Variants in KIF27 observed in about 807,000 individuals in gnomAD.
KIF27 encodes kinesin family member 27, also known as kinesin-like protein KIF27.
Under a neutral mutation model 141.8 loss-of-function variants are expected in KIF27, and 84 were observed. The ratio of observed to expected loss-of-function variants is 0.59; its 90% CI spans 0.50 to 0.71. The LOEUF (loss-of-function observed/expected upper bound fraction) is 0.71, where lower values mean the gene tolerates loss of function less well. Among genes scored for constraint, KIF27 ranks in the 30% least tolerant of loss-of-function variants. KIF27 has a pLI of 0.00. For synonymous variants in KIF27, 471 were observed against 569.5 expected, an observed-to-expected ratio of 0.83 and a Z score of 2.46; for missense variants, 1,306 against 1,628.4, an observed-to-expected ratio of 0.80 and a Z score of 3.41.
chr9:83,899,838 C>A, intron 4 of KIF27, 34 bp from the exon 5 acceptor site: 1 of 1,568,772 alleles, frequency 6.4e-7, no homozygotes, highest in Non-Finnish European at 8.7e-7. Flanking sequence ...TGACATTCAC[C>A]ACAGAAAATA....
At position 83,903,021 on chromosome 9, in the gene KIF27, T is replaced by C. The variant is rs113653407; in HGVS notation, c.1458+39A>G. The C allele has an allele frequency of 4.6e-5, 58 of 1,271,824 alleles. 3 individuals are homozygous for C. The African/African-American group carries it at 4.7e-4, about 10-fold the overall frequency. 78.8% of individuals were successfully genotyped at this position (1,271,824 alleles called of 1,614,324 possible). ...AATATGTACATCTATTATGTATCAATAAAATAAATAAATAAATAAATAAGT... is the reference window on the plus strand; with the variant it reads ...AATATGTACATCTATTATGTATCAACAAAATAAATAAATAAATAAATAAGT... On this transcript the variant is annotated intron_variant, in intron 4 of 17. Coordinates refer to ENST00000297814, the MANE Select transcript of KIF27 (RefSeq NM_017576.4).
At chr9:83,863,820 T>C (rs763877547) in intron 13 of KIF27, 2 of 152,206 alleles carry the variant, frequency 1.3e-5, no homozygotes, top group Non-Finnish European at 2.9e-5. Context: ...CTTTTTTCGG[T>C]TGGTAAGCTA....
rs533210668 is a variant in KIF27 at position 83,840,487 on chromosome 9, T to A, written c.3721+1750A>T. Among the ~76,000 whole-genome samples the A allele has an allele frequency of 2.0e-5, 3 of 152,290 alleles. No homozygotes were observed. The South Asian group carries it at 6.2e-4, about 32-fold the overall frequency. ...TAAAGAGCAGGATGAAGATCCAGAT[T>A]TCTTAAACCTGTATACCACCATACT... On this transcript the variant is annotated intron_variant, in intron 17 of 17. Transcript: ENST00000297814.
Position 83,903,128 on chromosome 9 carries a change from C to G in KIF27, c.1390G>C (p.Ala464Pro), listed in dbSNP as rs1350492713. Residue 464 changes from alanine to proline, a missense_variant, in exon 4 of 18, where the codon GCA becomes CCA. This residue lies in a region of KIF27 where 533 missense variants were observed against 565.6 expected (regional missense o/e 0.94). Coordinates refer to ENST00000297814, the MANE Select transcript of KIF27 (RefSeq NM_017576.4). ...TGCTGTGGTCCTTCTTCCAGACTTG[C>G]AGTGCCTCCGATTCCTCGAAATGAG... is the stretch of plus-strand genomic sequence containing the variant. ...LTSFRGIGGT[A>P]SLEEGPQHVT... The G allele has an allele frequency of 6.2e-7, 1 of 1,614,158 alleles. No individual in the cohort carries two copies. The highest frequency in any genetic ancestry group is 1.7e-5 in the Admixed American group (1 of 59,992).
chr9:83,899,556 T>C, intron 5 of KIF27, 105 bp downstream of exon 5: 2 of 857,284 alleles, frequency 2.3e-6, no homozygotes, highest in Non-Finnish European at 3.6e-6. Flanking sequence ...ACTCTTCAAA[T>C]GAACATCCTT....
rs150136106 is a variant in KIF27 at position 83,834,175 on chromosome 9, T to G, written c.*2826A>C. Among the ~76,000 whole-genome samples the G allele has an allele frequency of 2.5e-3, 379 of 152,180 alleles. 5 individuals carry two copies. Among genetic ancestry groups the G allele is most frequent in the African/African-American group, 8.8e-3 (364 of 41,540 alleles). ...AACGAAAAAAAGAAAACCACAAACA[T>G]TTTATATACATGCAAAAAGGCAATA... is the stretch of plus-strand genomic sequence containing the variant. On this transcript the variant is annotated 3_prime_UTR_variant, in exon 18 of 18. Coordinates refer to ENST00000297814, the MANE Select transcript of KIF27 (RefSeq NM_017576.4).
intron 12 of KIF27, among the ~76,000 whole-genome samples, chr9:83,868,871 G>A (rs572727156): frequency 1.3e-5 from 2 of 152,126 alleles, no homozygotes; most frequent in Non-Finnish European, 1.5e-5. Context: ...GCACTATCAT[G>A]TCCAGATAAC....
intron 3 of KIF27, among the ~76,000 whole-genome samples, chr9:83,906,172 T>C (rs1457627617): frequency 1.3e-5 from 2 of 152,170 alleles, no homozygotes; most frequent in East Asian, 3.8e-4. Flanking sequence ...ATGAATTCTA[T>C]CCAGAAGAGA....
At chr9:83,920,896 G>C (rs946102632) in intron 1 of KIF27, among the ~76,000 whole-genome samples, 1 of 150,726 alleles carries the variant, frequency 6.6e-6, no homozygotes, top group Non-Finnish European at 1.5e-5. Flanking sequence ...CCTCTACGGT[G>C]GGAAATGCGC....
chr9:83,870,403 G>C (rs1247473071), intron 12 of KIF27, 116 bp downstream of exon 12: 10 of 1,443,420 alleles, frequency 6.9e-6, no homozygotes, highest in Non-Finnish European at 1.9e-6. Flanking sequence ...CTGACCGCAG[G>C]TGATCCACCC....
At chr9:83,897,687 T>A in intron 5 of KIF27, among the ~76,000 whole-genome samples, 1 of 152,030 alleles carries the variant, frequency 6.6e-6, no homozygotes, top group Non-Finnish European at 1.5e-5. Context: ...AGAAAAATTA[T>A]TTGCAATCAT....
chr9:83,883,121 A>G (rs369854486), intron 10 of KIF27, among the ~76,000 whole-genome samples: 71 of 152,294 alleles, frequency 4.7e-4, no homozygotes, highest in African/African-American at 1.7e-3. Context: ...TTACAACTCT[A>G]CCTAAAATGG....
chr9:83,878,794 G>A (rs1641786405), intron 11 of KIF27, among the ~76,000 whole-genome samples: 1 of 152,166 alleles, frequency 6.6e-6, no homozygotes, highest in Admixed American at 6.6e-5. Flanking sequence ...GTGTCTGTCT[G>A]GAGTGATGAA....
intron 6 of KIF27, among the ~76,000 whole-genome samples, chr9:83,890,361 C>G (rs1952555716): frequency 6.6e-6 from 1 of 152,056 alleles, no homozygotes; most frequent in Non-Finnish European, 1.5e-5. Flanking sequence ...GAAGAACCAA[C>G]TCAAGAAGTA....
intron 13 of KIF27, among the ~76,000 whole-genome samples, chr9:83,860,973 C>T (rs1949843376): frequency 6.6e-6 from 1 of 151,406 alleles, no homozygotes; most frequent in Admixed American, 6.6e-5. Context: ...CTTAATTTTC[C>T]TCACGAGTTT....
intron 14 of KIF27, chr9:83,858,363 CTG>C (rs1273504512): frequency 6.6e-6 from 1 of 152,196 alleles, no homozygotes; most frequent in Non-Finnish European, 1.5e-5. Context: ...AGATTCACCA[CTG>C]TGTGTGATTC....
chr9:83,863,074 G>A (rs1312396954), intron 13 of KIF27, among the ~76,000 whole-genome samples: 1 of 152,028 alleles, frequency 6.6e-6, no homozygotes, highest in East Asian at 1.9e-4. Context: ...GGAGATTTTG[G>A]GCTGAGACGA....
At position 83,903,317 on chromosome 9, in the gene KIF27, C is replaced by T; in HGVS notation, c.1201G>A (p.Val401Ile). Residue 401 changes from valine to isoleucine, a missense_variant, in exon 4 of 18, where the codon GTA (valine) becomes ATA (isoleucine). Around this residue, in one of 4 missense-constraint regions of KIF27, gnomAD observed 533 missense variants for 565.6 expected, o/e 0.94. Coordinates refer to ENST00000297814, the MANE Select transcript of KIF27 (RefSeq NM_017576.4). ...AGACATTCTCCTTGAAGCTGAGCTA[C>T]TTGCTCCTCAAGAGAATGAATCCTA... Reference protein sequence around the residue: ...TNRIHSLEEQVAQLQGECLGY... With the variant: ...TNRIHSLEEQIAQLQGECLGY... 6.2e-7 allele frequency: 1 copy of T among 1,614,238 alleles called. No homozygotes were observed.
chr9:83,842,993 C>T (rs1946772467), intron 16 of KIF27, among the ~76,000 whole-genome samples: 1 of 152,096 alleles, frequency 6.6e-6, no homozygotes, highest in South Asian at 2.1e-4. Context: ...TAGACCTATC[C>T]TTAGAACACC....
Sources: gnomAD v4.1 joint callset for allele counts (sites outside exome capture counted in the v4.1 genomes callset) on GRCh38, gnomAD v4.1.1 for gene constraint, gnomAD v4.1.1 regional missense constraint, MANE v1.5 for transcripts, NCBI Gene and HGNC (gene_info 2026-07-23, HGNC 2026-07-21) for gene names.